The following HMCN1 variants were observed in gnomAD, a reference collection of about 807,000 sequenced individuals.
HMCN1 encodes hemicentin 1.
A neutral mutation model predicts 625.9 loss-of-function variants in HMCN1; 321 were observed. The ratio of observed to expected loss-of-function variants is 0.51; its 90% CI spans 0.47 to 0.56. The LOEUF is 0.56. Among genes scored for constraint, HMCN1 ranks in the 20% least tolerant of loss-of-function variants. The pLI is 0.00. For missense variants in HMCN1, 6,588 were observed against 6,887.3 expected (o/e 0.96, Z 1.54); for synonymous variants, 2,425 against 2,417.6 (o/e 1.00, Z -0.09).
intron 11 of HMCN1, among the ~76,000 whole-genome samples, chr1:185,961,601 C>T (rs1650030067): frequency 6.6e-6 from 1 of 152,182 alleles, no homozygotes; most frequent in South Asian, 2.1e-4. Flanking sequence ...CTTAATATCT[C>T]TTTGATGGTA....
intron 81 of HMCN1, among the ~76,000 whole-genome samples, chr1:186,125,313 A>G (rs768546515): frequency 2.6e-5 from 4 of 152,100 alleles, no homozygotes; most frequent in Non-Finnish European, 5.9e-5. Context: ...AAAGACGGAA[A>G]AGTCAGGGAA....
intron 26 of HMCN1, 49 bp from the exon 27 acceptor site, chr1:186,001,249 A>G (rs1018906851): frequency 9.8e-6 from 15 of 1,537,290 alleles, no homozygotes; most frequent in African/African-American, 1.4e-5. Context: ...AACTCTATAA[A>G]TAATATTTAT....
intron 2 of HMCN1, among the ~76,000 whole-genome samples, chr1:185,861,877 T>A (rs976472778): frequency 2.4e-4 from 37 of 152,188 alleles, no homozygotes; most frequent in African/African-American, 8.0e-4. Flanking sequence ...ACTCAGTGAT[T>A]AAGCCAGCAC....
At chr1:185,882,843 C>T (rs1257755607) in intron 4 of HMCN1, among the ~76,000 whole-genome samples, 2 of 151,986 alleles carry the variant, frequency 1.3e-5, no homozygotes. Flanking sequence ...AAAATGTATA[C>T]TTTATTTATA....
chr1:185,826,193 A>G (rs1171490645), intron 1 of HMCN1, among the ~76,000 whole-genome samples: 1 of 152,238 alleles, frequency 6.6e-6, no homozygotes, highest in Non-Finnish European at 1.5e-5. Flanking sequence ...CTGAATGTAT[A>G]AAACATGGAT....
In HMCN1 at chr1:186,081,202, G is replaced by A. The variant is rs1659147452; in HGVS notation, c.8600-5G>A. ...TTTTCTCCCTTTGTTGCAATCCTTTGTTAGTGCCGCCAATTATCAAGGGAG... is the reference window on the plus strand; with the variant it reads ...TTTTCTCCCTTTGTTGCAATCCTTTATTAGTGCCGCCAATTATCAAGGGAG... On this transcript the variant is annotated splice_polypyrimidine_tract_variant and splice_region_variant and intron_variant, in intron 55 of 106. Coordinates refer to ENST00000271588, the MANE Select transcript of HMCN1 (RefSeq NM_031935.3). 1.9e-6 allele frequency: 3 copies of A among 1,612,598 alleles called. No homozygotes were observed. Among genetic ancestry groups the A allele is most frequent in the Non-Finnish European group, 2.5e-6 (3 of 1,178,766 alleles).
At position 185,791,725 on chromosome 1, in the gene HMCN1, T is replaced by C. The variant is rs111847821; in HGVS notation, c.269-54301T>C. ...CAACAGAGCAACTCCATCTCAAAAA[T>C]AAACAAACAAACAAACAAACAGAAG... On this transcript the variant is annotated intron_variant, in intron 1 of 106. Transcript: ENST00000271588. Among the ~76,000 whole-genome samples, 593 of 151,826 alleles carry C rather than the reference T, an allele frequency of 3.9e-3. 5 individuals are homozygous for C. Among genetic ancestry groups the C allele is most frequent in the African/African-American group, 0.013 (545 of 41,266 alleles).
intron 3 of HMCN1, 128 bp from the exon 4 acceptor site, chr1:185,865,613 A>ACG: frequency 2.8e-6 from 2 of 712,774 alleles, no homozygotes; most frequent in Non-Finnish European, 4.9e-6. Context: ...ACACACACAC[A>ACG]CACACACACA....
At chr1:185,735,637 T>G (rs1653508470) in intron 1 of HMCN1, among the ~76,000 whole-genome samples, 1 of 152,222 alleles carries the variant, frequency 6.6e-6, no homozygotes, top group African/African-American at 2.4e-5. Flanking sequence ...CAGATGGGTA[T>G]AAACATTACA....
chr1:185,822,323 ATC>A (rs1425526111), intron 1 of HMCN1, among the ~76,000 whole-genome samples: 2 of 152,104 alleles, frequency 1.3e-5, no homozygotes, highest in East Asian at 3.9e-4. Context: ...GTACATGGGA[ATC>A]TCTGTTCCTT....
chr1:185,778,179 G>A (rs1656759046), intron 1 of HMCN1, among the ~76,000 whole-genome samples: 1 of 152,062 alleles, frequency 6.6e-6, no homozygotes. Context: ...GCAGCTCTTA[G>A]TCAGTGAGGG....
intron 80 of HMCN1, among the ~76,000 whole-genome samples, chr1:186,121,128 A>G (rs1435568299): frequency 6.6e-6 from 1 of 152,192 alleles, no homozygotes; most frequent in Non-Finnish European, 1.5e-5. Context: ...AAGTCAAGAA[A>G]GAGTGAGAAA....
At chr1:186,013,742 C>T (rs951261034) in intron 30 of HMCN1, among the ~76,000 whole-genome samples, 9 of 152,102 alleles carry the variant, frequency 5.9e-5, no homozygotes, top group African/African-American at 1.9e-4. Context: ...TATATTGAAG[C>T]GACTTAAGAG....
intron 4 of HMCN1, among the ~76,000 whole-genome samples, chr1:185,892,774 G>C (rs930876390): frequency 1.3e-5 from 2 of 152,168 alleles, no homozygotes; most frequent in Non-Finnish European, 2.9e-5. Context: ...GTTTGTCTGT[G>C]CCCTGCCCCC....
chr1:186,171,487 T>A, intron 101 of HMCN1, 37 bp downstream of exon 101: 1 of 1,392,176 alleles, frequency 7.2e-7, no homozygotes. Flanking sequence ...GAATGACACC[T>A]CTATAACTTC....
At chr1:186,110,977 C>CTTTTTTTTTTTTTTTTTGTTT (rs1660850061) in intron 71 of HMCN1, among the ~76,000 whole-genome samples, 1 of 61,648 alleles carries the variant, frequency 1.6e-5, no homozygotes. Flanking sequence ...AGAGAAAATT[C>CTTTTTTTTTTTTTTTTTGTTT]TTTTTTTTTT....
chr1:185,745,283 T>C (rs1159238753), intron 1 of HMCN1, among the ~76,000 whole-genome samples: 1 of 152,146 alleles, frequency 6.6e-6, no homozygotes, highest in Non-Finnish European at 1.5e-5. Context: ...TACAGCCAAG[T>C]TCTAACTAGG....
At position 185,929,163 on chromosome 1, in the gene HMCN1, A is replaced by G. The variant is rs1457352423; in HGVS notation, c.1552+496A>G. 3.3e-5 allele frequency among the ~76,000 whole-genome samples: 5 copies of G among 152,156 alleles called. No homozygotes were observed. The East Asian group carries it at 5.8e-4, about 18-fold the overall frequency. On this transcript the variant is annotated intron_variant, in intron 10 of 106. Transcript: ENST00000271588. The stretch of plus-strand genomic sequence containing the variant: ...GTTAAATGTTCCCTTTTCCTCTTCC[A>G]TATTCATAATGAGCAGAGCACTTTT...
intron 82 of HMCN1, 34 bp from the exon 83 acceptor site, chr1:186,128,044 A>T (rs1433211897): frequency 6.3e-7 from 1 of 1,576,076 alleles, no homozygotes; most frequent in Admixed American, 1.7e-5. Flanking sequence ...ATGGATGATT[A>T]TGAAATTTTA....
Sources: allele counts gnomAD v4.1 joint callset (sites outside exome capture counted in the v4.1 genomes callset), GRCh38; gene constraint gnomAD v4.1.1; transcripts MANE v1.5; gene names NCBI Gene and HGNC (gene_info 2026-07-23, HGNC 2026-07-21).